Variants in NLK observed in about 807,000 individuals in gnomAD.
The protein encoded by NLK is nemo like kinase.
NLK carries 11 observed loss-of-function variants against 59.0 expected under a neutral mutation model. The observed-to-expected ratio is 0.19, with a 90% CI of 0.12 to 0.31. The LOEUF is 0.31. NLK is among the 10% of genes least tolerant of loss of function. NLK has a pLI of 1.00. For missense variants in NLK, 410 were observed against 661.1 expected (o/e 0.62, Z 4.16); for synonymous variants, 235 against 235.9 (o/e 1.00, Z 0.03).
rs964931986 is a variant in NLK, at chr17:28,163,073, A to G, written c.752-470A>G. Among the ~76,000 whole-genome samples the G allele has an allele frequency of 7.9e-5, 12 of 152,350 alleles. No individual in the cohort carries two copies. The East Asian group carries it at 2.3e-3, about 29-fold the overall frequency. On this transcript the variant is annotated intron_variant, in intron 4 of 10. Coordinates refer to ENST00000407008, the MANE Select transcript of NLK (RefSeq NM_016231.5). ...CATTACCCTCTTGATTCTGAGCGGT[A>G]AAGAATACTACTGACAGTGTGGGCA...
At chr17:28,185,094 ACTTAC>A (rs1162422311) in intron 7 of NLK, 80 bp from the exon 8 acceptor site, 1 of 701,038 alleles carries the variant, frequency 1.4e-6, no homozygotes, top group East Asian at 2.9e-5. Flanking sequence ...TGAACTGAGT[ACTTAC>A]CTTATCATAA....
intron 1 of NLK, among the ~76,000 whole-genome samples, chr17:28,049,983 A>G (rs1909192332): frequency 6.6e-6 from 1 of 152,334 alleles, no homozygotes; most frequent in Middle Eastern, 3.4e-3. Context: ...TGTGTCTCAA[A>G]AAATATATAT....
chr17:28,140,450 TA>T (rs986593091), intron 3 of NLK, among the ~76,000 whole-genome samples: 2 of 152,150 alleles, frequency 1.3e-5, no homozygotes, highest in Non-Finnish European at 2.9e-5. Flanking sequence ...CCACAATTTT[TA>T]AAAAACACCA....
chr17:28,180,867 AAGTT>A (rs1908877013), intron 7 of NLK, among the ~76,000 whole-genome samples: 2 of 152,242 alleles, frequency 1.3e-5, no homozygotes, highest in South Asian at 4.1e-4. Flanking sequence ...ATTAAGTTAT[AAGTT>A]AGAGCCTCTT....
At chr17:28,097,097 A>G (rs1024419328) in intron 1 of NLK, among the ~76,000 whole-genome samples, 1 of 152,118 alleles carries the variant, frequency 6.6e-6, no homozygotes, top group African/African-American at 2.4e-5. Context: ...TGCTTGAGCC[A>G]TTTGCTTATA....
chr17:28,131,560 T>G (rs1366451623), intron 2 of NLK, among the ~76,000 whole-genome samples: 1 of 144,660 alleles, frequency 6.9e-6, no homozygotes, highest in Non-Finnish European at 1.5e-5. Context: ...TTCTGCCCAC[T>G]TTTATATGTT....
At chr17:28,160,563 A>ATAGGAAGCTC (rs1349761483) in intron 3 of NLK, among the ~76,000 whole-genome samples, 3 of 152,224 alleles carry the variant, frequency 2.0e-5, no homozygotes, top group African/African-American at 7.2e-5. Context: ...AGTACAACGT[A>ATAGGAAGCTC]TAGGAAGCTC....
chr17:28,105,480 T>C lies in NLK; in HGVS notation c.459-17123T>C, dbSNP rs568968436. On this transcript the variant is annotated intron_variant, in intron 1 of 10. Transcript: ENST00000407008. ...TCCAAAGACTGGTATGCTTCAGATA[T>C]AAACCTCTAAAGGTGTTTTCATCTC... Among the ~76,000 whole-genome samples, 210 of 152,366 alleles carry C rather than the reference T, an allele frequency of 1.4e-3. 1 individual carries two copies. The highest frequency in any genetic ancestry group is 6.8e-3 in the Middle Eastern group (2 of 294).
intron 1 of NLK, among the ~76,000 whole-genome samples, chr17:28,121,925 C>G (rs961038985): frequency 6.7e-6 from 1 of 150,362 alleles, no homozygotes; most frequent in African/African-American, 2.5e-5. Context: ...TGTTGGAAGG[C>G]AAAAAGAGAA....
chr17:28,175,450 CAAA>C (rs756212992), intron 7 of NLK, among the ~76,000 whole-genome samples: 3 of 129,666 alleles, frequency 2.3e-5, no homozygotes, highest in Non-Finnish European at 3.3e-5. Context: ...GACTTCGTCT[CAAA>C]AAAAAAAAAA....
chr17:28,181,290 T>C (rs973376368), intron 7 of NLK, among the ~76,000 whole-genome samples: 9 of 151,954 alleles, frequency 5.9e-5, no homozygotes, highest in Admixed American at 2.0e-4. Context: ...TCCCAGCTAC[T>C]CTGGAGGCTG....
chr17:28,095,624 CTA>C (rs1399016753), intron 1 of NLK, among the ~76,000 whole-genome samples: 2 of 152,080 alleles, frequency 1.3e-5, no homozygotes, highest in African/African-American at 4.8e-5. Flanking sequence ...GCAGATTATC[CTA>C]TGATTCCAGA....
chr17:28,106,283 A>G (rs1452398159), intron 1 of NLK, among the ~76,000 whole-genome samples: 2 of 152,208 alleles, frequency 1.3e-5, no homozygotes, highest in Non-Finnish European at 2.9e-5. Context: ...TATGAACACT[A>G]TAGCATTTCA....
chr17:28,153,881 G>A (rs1907589989), intron 3 of NLK, among the ~76,000 whole-genome samples: 1 of 152,070 alleles, frequency 6.6e-6, no homozygotes, highest in South Asian at 2.1e-4. Context: ...TCCTTAATAT[G>A]AGAAACAGTA....
intron 8 of NLK, 120 bp downstream of exon 8, chr17:28,185,385 A>T (rs1345783618): frequency 1.6e-6 from 1 of 622,940 alleles, no homozygotes; most frequent in East Asian, 2.9e-5. Context: ...TATAAACTTC[A>T]ATCCCCAGTA....
intron 8 of NLK, among the ~76,000 whole-genome samples, chr17:28,187,157 A>G (rs1023428467): frequency 3.9e-5 from 6 of 152,198 alleles, no homozygotes; most frequent in Admixed American, 1.3e-4. Context: ...ATTGAAATTT[A>G]TGTGTTAGAA....
intron 7 of NLK, among the ~76,000 whole-genome samples, chr17:28,181,758 C>A (rs1908915769): frequency 6.6e-6 from 1 of 152,034 alleles, no homozygotes; most frequent in Non-Finnish European, 1.5e-5. Flanking sequence ...CTGTACAAAT[C>A]CCAGCACTTT....
At chr17:28,152,938 A>G (rs1229655073) in intron 3 of NLK, among the ~76,000 whole-genome samples, 1 of 151,292 alleles carries the variant, frequency 6.6e-6, no homozygotes, top group Non-Finnish European at 1.5e-5. Context: ...GTACGTCAGG[A>G]TTTTTTTATT....
chr17:28,171,478 T>G (rs890686665), intron 6 of NLK: 1 of 152,184 alleles, frequency 6.6e-6, no homozygotes, highest in Non-Finnish European at 1.5e-5. Flanking sequence ...AGAAGACTGT[T>G]TTATTGGTCT....
Sources: allele counts gnomAD v4.1 joint callset (sites outside exome capture counted in the v4.1 genomes callset), GRCh38; gene constraint gnomAD v4.1.1; transcripts MANE v1.5; gene names NCBI Gene and HGNC (gene_info 2026-07-23, HGNC 2026-07-21).